Variants in CSMD1 observed in about 807,000 individuals in gnomAD.
CSMD1 encodes CUB and Sushi multiple domains 1.
A neutral mutation model predicts 417.5 loss-of-function variants in CSMD1; 213 were observed. The ratio of observed to expected loss-of-function variants is 0.51; its 90% CI spans 0.46 to 0.57. The LOEUF is 0.57. CSMD1 is among the 20% of genes least tolerant of loss of function. CSMD1 has a pLI of 0.00. For synonymous variants in CSMD1, 2,862 were observed against 1,736.8 expected, an observed-to-expected ratio of 1.65 and a Z score of -16.11; for missense variants, 6,923 against 4,529.7, an observed-to-expected ratio of 1.53 and a Z score of -15.17.
chr8:4,337,047 C>T (rs926870921), intron 3 of CSMD1, among the ~76,000 whole-genome samples: 1 of 152,070 alleles, frequency 6.6e-6, no homozygotes, highest in Admixed American at 6.6e-5. Flanking sequence ...ATTTTGCCCA[C>T]ACATTGCATT....
At chr8:4,286,955 G>A (rs532656513) in intron 3 of CSMD1, among the ~76,000 whole-genome samples, 1 of 152,174 alleles carries the variant, frequency 6.6e-6, no homozygotes, top group African/African-American at 2.4e-5. Context: ...CAATTCCATA[G>A]AGGCAGCTGA....
At chr8:4,594,967 T>A (rs1161346016) in intron 2 of CSMD1, among the ~76,000 whole-genome samples, 3 of 152,222 alleles carry the variant, frequency 2.0e-5, no homozygotes, top group Non-Finnish European at 4.4e-5. Flanking sequence ...TTTTCATACT[T>A]GATGCCAAAG....
intron 5 of CSMD1, among the ~76,000 whole-genome samples, chr8:3,791,724 G>A (rs190688271): frequency 7.2e-5 from 11 of 152,252 alleles, no homozygotes; most frequent in Admixed American, 5.9e-4. Context: ...TCAGGAGGCT[G>A]AAGCAAGAGA....
In CSMD1 at chr8:4,303,177, T is replaced by A. The variant is rs368366229; in HGVS notation, c.415+116776A>T. Among the ~76,000 whole-genome samples the A allele has an allele frequency of 5.3e-5, 8 of 152,246 alleles. 1 individual carries two copies. Among genetic ancestry groups the A allele is most frequent in the African/African-American group, 1.9e-4 (8 of 41,560 alleles). ...CCTCAAACATATAATAGGGCATGAA[T>A]ATTGTGGGCTTGCAACTGAGAATAA... is the stretch of plus-strand genomic sequence containing the variant. On this transcript the variant is annotated intron_variant, in intron 3 of 69. Transcript: ENST00000635120.
chr8:4,117,419 T>C (rs1802219158), intron 3 of CSMD1, among the ~76,000 whole-genome samples: 1 of 151,932 alleles, frequency 6.6e-6, no homozygotes, highest in Admixed American at 6.6e-5. Context: ...TGCCGCAAGG[T>C]AAATACAAGC....
At chr8:3,594,866 T>G (rs965078722) in intron 8 of CSMD1, among the ~76,000 whole-genome samples, 3 of 152,134 alleles carry the variant, frequency 2.0e-5, no homozygotes, top group African/African-American at 7.2e-5. Context: ...CTCATGGAGC[T>G]TCTGAGAGCC....
intron 12 of CSMD1, among the ~76,000 whole-genome samples, chr8:3,434,992 G>T (rs192510141): frequency 6.6e-6 from 1 of 151,784 alleles, no homozygotes; most frequent in Non-Finnish European, 1.5e-5. Context: ...GGAGCTGGTA[G>T]CAGACAGGAC....
intron 4 of CSMD1, among the ~76,000 whole-genome samples, chr8:4,017,483 T>C (rs923605761): frequency 1.3e-5 from 2 of 152,134 alleles, no homozygotes; most frequent in African/African-American, 2.4e-5. Context: ...ATTTTGTTTT[T>C]TTAGTAGAGA....
intron 1 of CSMD1, among the ~76,000 whole-genome samples, chr8:4,961,087 G>C (rs530495710): frequency 6.6e-5 from 10 of 152,144 alleles, no homozygotes; most frequent in Admixed American, 2.6e-4. Context: ...TTAACAACGG[G>C]TGTTTACCTC....
At chr8:4,222,568 G>A (rs549156496) in intron 3 of CSMD1, among the ~76,000 whole-genome samples, 14 of 152,168 alleles carry the variant, frequency 9.2e-5, no homozygotes, top group Admixed American at 5.2e-4. Context: ...AAGGTTAAAG[G>A]CTATTACTTT....
At chr8:4,290,245 G>C (rs181393948) in intron 3 of CSMD1, among the ~76,000 whole-genome samples, 55 of 152,304 alleles carry the variant, frequency 3.6e-4, no homozygotes, top group African/African-American at 1.3e-3. Flanking sequence ...ATGTGTTTAG[G>C]CCCGAGGGTG....
At chr8:3,285,585 C>G (rs6558753) in intron 25 of CSMD1, among the ~76,000 whole-genome samples, 71,752 of 151,470 alleles carry the variant, frequency 0.47, 17,544 homozygotes, top group South Asian at 0.57. Flanking sequence ...TTATAGTAGA[C>G]ATGGGGTTTC....
chr8:4,974,350 T>C (rs989797354), intron 1 of CSMD1, among the ~76,000 whole-genome samples: 14 of 152,102 alleles, frequency 9.2e-5, no homozygotes, highest in African/African-American at 2.9e-4. Context: ...ATGTCTCACA[T>C]GTCGGTTAGC....
chr8:4,703,005 T>C (rs1807683276), intron 1 of CSMD1, among the ~76,000 whole-genome samples: 1 of 152,192 alleles, frequency 6.6e-6, no homozygotes, highest in African/African-American at 2.4e-5. Context: ...TTATTTAAAA[T>C]GCTGAAAAGA....
intron 5 of CSMD1, among the ~76,000 whole-genome samples, chr8:3,868,104 G>C (rs1805231696): frequency 6.6e-6 from 1 of 152,062 alleles, no homozygotes; most frequent in Non-Finnish European, 1.5e-5. Context: ...TGCATGCACA[G>C]TATTTAAATT....
intron 3 of CSMD1, among the ~76,000 whole-genome samples, chr8:4,088,532 C>A (rs934455586): frequency 2.0e-5 from 3 of 152,152 alleles, no homozygotes. Context: ...GGTTAGGATG[C>A]AAAACTAAAT....
At chr8:3,075,955 G>A (rs1336759885) in intron 49 of CSMD1, among the ~76,000 whole-genome samples, 1 of 151,650 alleles carries the variant, frequency 6.6e-6, no homozygotes, top group African/African-American at 2.4e-5. Context: ...GGACGCTGAG[G>A]CAGGAGAATG....
intron 2 of CSMD1, among the ~76,000 whole-genome samples, chr8:4,588,582 C>G (rs187008317): frequency 5.3e-5 from 8 of 151,918 alleles, no homozygotes; most frequent in Admixed American, 3.3e-4. Context: ...ATCAGCAGAT[C>G]GAGACCATCC....
At chr8:4,784,383 G>T (rs1308344637) in intron 1 of CSMD1, among the ~76,000 whole-genome samples, 1 of 152,136 alleles carries the variant, frequency 6.6e-6, no homozygotes, top group African/African-American at 2.4e-5. Flanking sequence ...GTGCTACCTT[G>T]TAACACAAGC....
Sources: allele counts gnomAD v4.1 joint callset (sites outside exome capture counted in the v4.1 genomes callset), GRCh38; gene constraint gnomAD v4.1.1; transcripts MANE v1.5; gene names NCBI Gene and HGNC (gene_info 2026-07-23, HGNC 2026-07-21).